FOXP3: variants seen among roughly 807,000 people sequenced by gnomAD.
FOXP3 encodes the protein forkhead box protein P3.
In FOXP3, 5 loss-of-function variants were observed where a neutral mutation model predicts 31.2. The ratio of observed to expected loss-of-function variants is 0.16; its 90% CI spans 0.08 to 0.34. The LOEUF is 0.34. Among genes scored for constraint, FOXP3 ranks in the 10% least tolerant of loss-of-function variants. The pLI, the probability that FOXP3 is intolerant of heterozygous loss-of-function variation, is 1.00. For missense variants in FOXP3, 251 were observed against 363.0 expected (o/e 0.69, Z 2.51); for synonymous variants, 141 against 148.8 (o/e 0.95, Z 0.38).
At position 49,255,477 on chromosome X, in the gene FOXP3, C is replaced by T. The variant is rs781960959; in HGVS notation, c.768G>A (p.Met256Ile). 8.3e-7 allele frequency: 1 copy of T among 1,202,532 alleles called. No homozygotes were observed. The highest frequency in any genetic ancestry group is 1.1e-6 in the Non-Finnish European group (1 of 890,530). ...CCATTTTCCCAGCCAGGTGGGCCTG[C>T]ATGGCACTCAGCTTCTCCTTCTCCA... ...LVLEKEKLSAMQAHLAGKMAL... is the reference protein window; with the variant it reads ...LVLEKEKLSAIQAHLAGKMAL... Residue 256 changes from methionine (M) to isoleucine (I), a missense_variant, in exon 8 of 12, where the codon ATG becomes ATA. This residue lies in a region of FOXP3 where 6 missense variants were observed against 26.0 expected (regional missense o/e 0.23). Transcript: ENST00000376207.
chrX:49,264,006 T>C (rs2066126070), intron 1 of FOXP3, among the ~76,000 whole-genome samples: 1 of 111,844 alleles, frequency 8.9e-6, no homozygotes, highest in African/African-American at 3.3e-5. Flanking sequence ...GACATTACTA[T>C]TATTAAACGC....
At chrX:49,260,817 G>A (rs907887330) in intron 1 of FOXP3, among the ~76,000 whole-genome samples, 2 of 112,963 alleles carry the variant, frequency 1.8e-5, no homozygotes, top group African/African-American at 3.2e-5. Context: ...CGGATGCGCC[G>A]GGCTTCATCG....
rs1425487670 is a variant in FOXP3, at chrX:49,253,894, T to A, written c.967+23A>T. The A allele has an allele frequency of 3.3e-6, 4 of 1,208,413 alleles. No homozygotes were observed. In the African/African-American group the frequency reaches 7.0e-5, roughly 21 times the overall value. On this transcript the variant is annotated intron_variant, in intron 9 of 11. Transcript: ENST00000376207. ...CAGGATTAGGAGCTTGGGGGCACCG[T>A]GTAGTGCAAGGACCATTCTTACCTG...
chrX:49,251,776 G>A lies in FOXP3; in HGVS notation c.1045-11C>T, dbSNP rs74162068. The A allele has an allele frequency of 4.2e-6, 5 of 1,197,420 alleles. No homozygotes were observed. The highest frequency in any genetic ancestry group is 4.4e-5 in the Admixed American group (2 of 45,567). ...AGCCTCCAGGATGGCCTGGAAGTTG[G>A]GGGGTGGGGTAAGGGGCACATTCCC... On this transcript the variant is annotated splice_polypyrimidine_tract_variant and intron_variant, in intron 10 of 11. Coordinates refer to ENST00000376207, the MANE Select transcript of FOXP3 (RefSeq NM_014009.4).
chrX:49,251,525 C>T, intron 11 of FOXP3, 42 bp from the exon 12 acceptor site: 1 of 1,211,400 alleles, frequency 8.3e-7, no homozygotes, highest in Non-Finnish European at 1.1e-6. Flanking sequence ...GCGTCAACCT[C>T]TGAGGCCAGC....
chrX:49,254,200 C>T (rs2066053155), intron 8 of FOXP3, 133 bp from the exon 9 acceptor site: 2 of 746,080 alleles, frequency 2.7e-6, no homozygotes, highest in Non-Finnish European at 3.8e-6. Flanking sequence ...GGTGCAATCT[C>T]GGCTCACTGC....
intron 1 of FOXP3, among the ~76,000 whole-genome samples, chrX:49,258,753 A>G (rs1332589945): frequency 1.8e-5 from 2 of 111,381 alleles, no homozygotes; most frequent in African/African-American, 6.5e-5. Flanking sequence ...CCCCACGTGC[A>G]GAGGTCCAGC....
chrX:49,252,760 TAGAGTA>T (rs1444447251), intron 10 of FOXP3, among the ~76,000 whole-genome samples: 2 of 108,210 alleles, frequency 1.8e-5, no homozygotes, highest in Admixed American at 2.0e-4. Context: ...GGGAAGGAGT[TAGAGTA>T]AGAGCTGGGG....
intron 10 of FOXP3, 175 bp from the exon 11 acceptor site, chrX:49,251,940 AGTGTC>A: frequency 1.3e-6 from 1 of 747,096 alleles, no homozygotes; most frequent in African/African-American, 2.3e-5. Flanking sequence ...AAAGGGGTGA[AGTGTC>A]GGGTTGGGCA....
intron 6 of FOXP3, among the ~76,000 whole-genome samples, chrX:49,256,225 AG>A (rs2066070561): frequency 0.05 from 226 of 4,505 alleles, 4 homozygotes; most frequent in Admixed American, 0.24. Flanking sequence ...AGAGAAAGAG[AG>A]AGAGAGAGAG....
At position 49,251,644 on chromosome X, in the gene FOXP3, G is replaced by A. The variant is rs782478389; in HGVS notation, c.1146+20C>T. Reference sequence around the variant, plus strand: ...GGCACTTGAGGCCATCCCAGTCACCGCCACCTCAGAGGAGCTCACCTTCCA... The same window carrying A: ...GGCACTTGAGGCCATCCCAGTCACCACCACCTCAGAGGAGCTCACCTTCCA... On this transcript the variant is annotated intron_variant, in intron 11 of 11. Transcript: ENST00000376207. 19 of 1,207,736 alleles carry A rather than the reference G, an allele frequency of 1.6e-5. No homozygotes were observed. Among genetic ancestry groups the A allele is most frequent in the African/African-American group, 3.5e-5 (2 of 57,290 alleles).
At chrX:49,258,595 G>A in intron 1 of FOXP3, 68 bp from the exon 2 acceptor site, 2 of 904,941 alleles carry the variant, frequency 2.2e-6, no homozygotes, top group East Asian at 6.9e-5. Flanking sequence ...GACCACCTGA[G>A]CCACGTGGAC....
chrX:49,258,676 G>GACACACACAC lies in FOXP3; in HGVS notation c.-22-159_-22-150dup, dbSNP rs57734889. The stretch of plus-strand genomic sequence containing the variant: ...GCCCCATAGTTGCACCCCAGCTCTA[G>GACACACACAC]ACACACACACACACACACACACACA... On this transcript the variant is annotated intron_variant, in intron 1 of 11. Coordinates refer to ENST00000376207, the MANE Select transcript of FOXP3 (RefSeq NM_014009.4). 4 of 360,550 alleles carry GACACACACAC rather than the reference G, an allele frequency of 1.1e-5. No homozygotes were observed. The East Asian group carries it at 1.3e-4, about 12-fold the overall frequency. The allele number at this position is 360,550 out of a possible 1,213,427, so 29.7% of individuals were successfully genotyped here.
chrX:49,260,050 GGTATTAAGTTCTTA>G (rs2066101083), intron 1 of FOXP3, among the ~76,000 whole-genome samples: 3 of 111,265 alleles, frequency 2.7e-5, no homozygotes, highest in Non-Finnish European at 5.7e-5. Flanking sequence ...TGAGAATCCA[GGTATTAAGTTCTTA>G]GTCTCCTGGG....
In FOXP3 at chrX:49,264,692, G is replaced by A. The variant is rs2066130344; in HGVS notation, c.-54C>T. The A allele has an allele frequency of 1.3e-6, 1 of 752,057 alleles. No homozygotes were observed. The highest frequency in any genetic ancestry group is 2.3e-5 in the African/African-American group (1 of 42,907). 62.0% of individuals were successfully genotyped at this position (752,057 alleles called of 1,213,427 possible). On this transcript the variant is annotated 5_prime_UTR_variant, in exon 1 of 12. Coordinates refer to ENST00000376207, the MANE Select transcript of FOXP3 (RefSeq NM_014009.4). ...GAAGTGGACTGACAGAAAAGGATCA[G>A]CCTGGCTTGTGGGAAACTGTCACGT...
chrX:49,258,214 C>T lies in FOXP3; in HGVS notation c.210+82G>A, dbSNP rs1602687396. On this transcript the variant is annotated intron_variant, in intron 2 of 11. Transcript: ENST00000376207. ...CCTGTGCCCCAGCCAGCCCCCCTCCCGCCCAGTGCCACAGTAAAGGTCGGC... is the reference window on the plus strand; with the variant it reads ...CCTGTGCCCCAGCCAGCCCCCCTCCTGCCCAGTGCCACAGTAAAGGTCGGC... 35 of 823,979 alleles carry T rather than the reference C, an allele frequency of 4.2e-5. 1 individual carries two copies. In the East Asian group the frequency reaches 1.1e-3, roughly 26 times the overall value. The allele number at this position is 823,979 out of a possible 1,213,427, so 67.9% of individuals were successfully genotyped here. A position where few individuals can be genotyped will look rare whatever the true frequency, so the allele number is the denominator to read the frequency against.
At chrX:49,255,381 GC>G in intron 8 of FOXP3, 47 bp downstream of exon 8, 1 of 1,122,220 alleles carries the variant, frequency 8.9e-7, no homozygotes, top group Non-Finnish European at 1.2e-6. Flanking sequence ...CCTCCTCCCT[GC>G]CCCCCAGCAG....
intron 8 of FOXP3, 73 bp downstream of exon 8, chrX:49,255,356 C>T: frequency 1.9e-6 from 2 of 1,028,665 alleles, no homozygotes; most frequent in Non-Finnish European, 2.7e-6. Context: ...GGTTAGGTTC[C>T]CTGCACCGTG....
chrX:49,251,902 G>A (rs1177788425), intron 10 of FOXP3, 137 bp from the exon 11 acceptor site: 1 of 1,126,706 alleles, frequency 8.9e-7, no homozygotes, highest in Non-Finnish European at 1.2e-6. Flanking sequence ...GATGTGGGGT[G>A]AAGCATGGGG....
Sources: allele counts gnomAD v4.1 joint callset (sites outside exome capture counted in the v4.1 genomes callset), GRCh38; gene constraint gnomAD v4.1.1; regional missense constraint gnomAD v4.1.1; transcripts MANE v1.5; gene names NCBI Gene and HGNC (gene_info 2026-07-23, HGNC 2026-07-21).